The following C2CD5 variants were observed in gnomAD, a reference collection of about 807,000 sequenced individuals.
The protein encoded by C2CD5 is C2 domain-containing protein 5.
A neutral mutation model predicts 130.3 loss-of-function variants in C2CD5; 109 were observed. The observed-to-expected ratio is 0.84, with a 90% CI of 0.72 to 0.98. The LOEUF (loss-of-function observed/expected upper bound fraction) is 0.98, where lower values mean the gene tolerates loss of function less well. Ranked by LOEUF, C2CD5 falls within the 50% of genes least tolerant of loss-of-function variation. C2CD5 has a pLI of 0.00. For missense variants in C2CD5, 996 were observed against 1,261.8 expected (o/e 0.79, Z 3.19); for synonymous variants, 454 against 429.2 (o/e 1.06, Z -0.71).
At position 22,482,743 on chromosome 12, in the gene C2CD5, C is replaced by T. The variant is rs777138148; in HGVS notation, c.1551G>A (p.Arg517=). 1.9e-6 allele frequency: 3 copies of T among 1,611,062 alleles called. No individual in the cohort carries two copies. The South Asian group carries it at 3.3e-5, about 18-fold the overall frequency. The change falls in exon 14 of 27, where the codon AGG becomes AGA. Residue 517 remains arginine (R), a splice_region_variant and synonymous_variant. Coordinates refer to ENST00000446597, the MANE Select transcript of C2CD5 (RefSeq NM_001286176.2). Reference sequence around the variant, plus strand: ...GTGCTTTCTTTTTTAAGCGACATAACCTGTAAAGGAAAATAAGTCAGTGAA... The same window carrying T: ...GTGCTTTCTTTTTTAAGCGACATAATCTGTAAAGGAAAATAAGTCAGTGAA... ...VIGKGCLIQA[R]LCRLKKKAQA...
At chr12:22,527,330 A>ATATATTT (rs1472237626) in intron 4 of C2CD5, among the ~76,000 whole-genome samples, 8 of 138,148 alleles carry the variant, frequency 5.8e-5, no homozygotes, top group African/African-American at 2.0e-4. Context: ...ATATATATAT[A>ATATATTT]TTTTTTTTTT....
chr12:22,488,265 G>A (rs1370297696), intron 12 of C2CD5, among the ~76,000 whole-genome samples: 1 of 152,020 alleles, frequency 6.6e-6, no homozygotes, highest in African/African-American at 2.4e-5. Flanking sequence ...GAATTAGCAT[G>A]AAAAATGACA....
intron 10 of C2CD5, among the ~76,000 whole-genome samples, chr12:22,495,117 T>C (rs1197087016): frequency 6.6e-6 from 1 of 152,132 alleles, no homozygotes; most frequent in African/African-American, 2.4e-5. Context: ...GAAATAAAAT[T>C]CTAACTTTTC....
chr12:22,479,940 A>T (rs1470563877), intron 14 of C2CD5, among the ~76,000 whole-genome samples: 4 of 152,302 alleles, frequency 2.6e-5, no homozygotes, highest in African/African-American at 4.8e-5. Flanking sequence ...TGTTATTATT[A>T]TTTTTTAAAT....
chr12:22,493,140 T>C, intron 11 of C2CD5, 83 bp downstream of exon 11: 1 of 775,564 alleles, frequency 1.3e-6, no homozygotes. Flanking sequence ...TATTCTCTTT[T>C]CTTTTATTTG....
chr12:22,480,215 G>A (rs1181537601), intron 14 of C2CD5, among the ~76,000 whole-genome samples: 1 of 152,170 alleles, frequency 6.6e-6, no homozygotes, highest in Admixed American at 6.5e-5. Flanking sequence ...CACAGACTCT[G>A]GCATCAGAGA....
At chr12:22,490,280 T>A in intron 11 of C2CD5, 62 bp from the exon 12 acceptor site, 2 of 1,090,772 alleles carry the variant, frequency 1.8e-6, no homozygotes, top group Non-Finnish European at 2.8e-6. Flanking sequence ...TGGGAAATGC[T>A]AAATATCAAA....
At chr12:22,512,966 AT>A (rs1442524404) in intron 9 of C2CD5, among the ~76,000 whole-genome samples, 2 of 151,868 alleles carry the variant, frequency 1.3e-5, no homozygotes, top group South Asian at 2.1e-4. Context: ...TGCTACTGGA[AT>A]TTTTTTTCTG....
intron 11 of C2CD5, 78 bp downstream of exon 11, chr12:22,493,145 T>C (rs1946572695): frequency 3.7e-6 from 3 of 800,522 alleles, no homozygotes; most frequent in Middle Eastern, 2.4e-4. Context: ...TCTTTTCTTT[T>C]ATTTGCATGA....
chr12:22,484,018 A>C (rs1261221941), intron 13 of C2CD5, among the ~76,000 whole-genome samples: 4 of 152,158 alleles, frequency 2.6e-5, no homozygotes, highest in Non-Finnish European at 5.9e-5. Context: ...AACTAAGGAG[A>C]GAGCTTTGGG....
At chr12:22,530,917 A>G (rs115820969) in intron 3 of C2CD5, among the ~76,000 whole-genome samples, 49 of 152,280 alleles carry the variant, frequency 3.2e-4, no homozygotes, top group African/African-American at 1.1e-3. Flanking sequence ...TCATTTTTTA[A>G]TATTTCCTAG....
At chr12:22,497,575 A>G in intron 10 of C2CD5, 1 of 949,604 alleles carries the variant, frequency 1.1e-6, no homozygotes, top group Non-Finnish European at 1.3e-6. Context: ...ATATTCCCAA[A>G]TACCTGAAAG....
At chr12:22,541,509 C>T (rs1952377821) in intron 2 of C2CD5, among the ~76,000 whole-genome samples, 1 of 152,160 alleles carries the variant, frequency 6.6e-6, no homozygotes, top group South Asian at 2.1e-4. Context: ...TTATCTTATA[C>T]TACTCTTCCC....
intron 13 of C2CD5, among the ~76,000 whole-genome samples, chr12:22,483,791 G>A (rs1945070197): frequency 6.6e-6 from 1 of 152,066 alleles, no homozygotes; most frequent in African/African-American, 2.4e-5. Context: ...ATGAAGAACT[G>A]GATAGAGAAA....
chr12:22,472,471 C>T (rs1425544839), intron 17 of C2CD5, 124 bp from the exon 18 acceptor site: 1 of 637,990 alleles, frequency 1.6e-6, no homozygotes, highest in Non-Finnish European at 2.7e-6. Flanking sequence ...TCTTCTAAAA[C>T]TATACCTGCA....
intron 25 of C2CD5, among the ~76,000 whole-genome samples, chr12:22,454,569 A>ATT (rs5796959): frequency 2.9e-5 from 4 of 135,716 alleles, no homozygotes; most frequent in African/African-American, 1.1e-4. Flanking sequence ...CAGACTTTTC[A>ATT]TTTTTTTTTT....
Position 22,474,834 on chromosome 12 carries a change from G to T in C2CD5, c.1960C>A (p.Leu654Ile). 6.2e-7 allele frequency: 1 copy of T among 1,608,320 alleles called. No homozygotes were observed. The highest frequency in any genetic ancestry group is 1.7e-4 in the Middle Eastern group (1 of 6,030). The change falls in exon 16 of 27, where the codon CTT becomes ATT. Residue 654 changes from leucine (L) to isoleucine (I), a missense_variant. Leu to Ile is a conservative substitution (Grantham distance 5). This residue lies in a region of C2CD5 where 590 missense variants were observed against 631.4 expected (regional missense o/e 0.93). Coordinates refer to ENST00000446597, the MANE Select transcript of C2CD5 (RefSeq NM_001286176.2). ...PIPEPRQRSR[L>I]LRSQSESSDE... ...GAGCTTTCTGATTGAGATCTTAGAA[G>T]TCTTGAGCGTTGCCTAGGTTCTGGG...
chr12:22,519,674 A>C (rs944261262), intron 7 of C2CD5, among the ~76,000 whole-genome samples: 5 of 152,122 alleles, frequency 3.3e-5, no homozygotes, highest in Non-Finnish European at 7.4e-5. Flanking sequence ...TGAGATATGA[A>C]TTGCTGATAT....
rs1301848303 is a variant in C2CD5, at chr12:22,484,846, T to A, written c.1401A>T (p.Ile467=). The A allele has an allele frequency of 6.3e-7, 1 of 1,585,396 alleles. No homozygotes were observed. Reference sequence around the variant, plus strand: ...ATGGCATATTCAGTTCATCATATGGTATATGACAAAATCCACAACGTGTAG... The same window carrying A: ...ATGGCATATTCAGTTCATCATATGGAATATGACAAAATCCACAACGTGTAG... ...NLPTRCGFCH[I]PYDELNMPFP... The change falls in exon 13 of 27, where the codon ATA becomes ATT. Residue 467 remains isoleucine, a synonymous_variant. Coordinates refer to ENST00000446597, the MANE Select transcript of C2CD5 (RefSeq NM_001286176.2).
Sources: gnomAD v4.1 joint callset for allele counts (sites outside exome capture counted in the v4.1 genomes callset) on GRCh38, gnomAD v4.1.1 for gene constraint, gnomAD v4.1.1 regional missense constraint, MANE v1.5 for transcripts, NCBI Gene and HGNC (gene_info 2026-07-23, HGNC 2026-07-21) for gene names.